The following MXRA5 variants were observed in gnomAD, a reference collection of about 807,000 sequenced individuals.
The protein encoded by MXRA5 is matrix remodeling associated 5, also known as matrix-remodeling-associated protein 5.
Under a neutral mutation model 112.5 loss-of-function variants are expected in MXRA5, and 41 were observed. The ratio of observed to expected loss-of-function variants is 0.36; its 90% confidence interval spans 0.28 to 0.47. The LOEUF is 0.47. MXRA5 is among the 20% of genes least tolerant of loss of function. MXRA5 has a pLI of 0.99. For missense variants in MXRA5, 2,150 were observed against 2,251.0 expected, an observed-to-expected ratio of 0.96 and a Z score of 0.91; for synonymous variants, 862 against 900.8, an observed-to-expected ratio of 0.96 and a Z score of 0.77.
chrX:3,343,568 T>A, intron 2 of MXRA5, 78 bp downstream of exon 2: 4 of 943,591 alleles, frequency 4.2e-6, no homozygotes, highest in Admixed American at 2.6e-5. Context: ...GTTAAGTAAA[T>A]GCACATACAC....
rs767655650 is a variant in MXRA5, at chrX:3,343,752, G to A, written c.82C>T (p.Pro28Ser). 8 of 1,209,712 alleles carry A rather than the reference G, an allele frequency of 6.6e-6. No individual in the cohort carries two copies. The highest frequency in any genetic ancestry group is 1.8e-5 in the South Asian group (1 of 56,742). The change falls in exon 2 of 7, where the codon CCG (proline) becomes TCG (serine). Residue 28 changes from proline (P) to serine (S), a missense_variant. Pro to Ser is a moderately conservative substitution (Grantham distance 74). Coordinates refer to ENST00000217939, the MANE Select transcript of MXRA5 (RefSeq NM_015419.4). ...WGHPRVALACPHPCACYVPSE... is the reference protein window; with the variant it reads ...WGHPRVALACSHPCACYVPSE... ...GGGACGTAGCAGGCACAAGGATGCG[G>A]GCAGGCCAGCGCCACTCGCGGATGG...
In MXRA5 at chrX:3,317,714, C is replaced by A. The variant is rs1272522265; in HGVS notation, c.5967G>T (p.Arg1989Ser). 5.8e-6 allele frequency: 7 copies of A among 1,203,169 alleles called. No individual in the cohort carries two copies. The African/African-American group carries it at 1.2e-4, about 21-fold the overall frequency. The change falls in exon 6 of 7, where the codon AGG (arginine) becomes AGT (serine). Residue 1989 changes from arginine (R) to serine (S), a missense_variant. By Grantham distance (110) the Arg-to-Ser change is moderately radical. Around this residue, in one of 6 missense-constraint regions of MXRA5, gnomAD observed 1,485 missense variants for 1,471.6 expected, o/e 1.01. Coordinates refer to ENST00000217939, the MANE Select transcript of MXRA5 (RefSeq NM_015419.4). ...CGGGGGACACAGTTTGCCACACCCT[C>A]CTGTCAGGGAAGATCCAGGAAATTT... ...APQISWIFPD[R>S]RVWQTVSPVE...
At position 3,342,534 on chromosome X, in the gene MXRA5, G is replaced by A. The variant is rs1262223427; in HGVS notation, c.188+1112C>T. On this transcript the variant is annotated intron_variant, in intron 2 of 6. Transcript: ENST00000217939. The stretch of plus-strand genomic sequence containing the variant: ...AACGCCAAGCTGTTTTCCCCAATGA[G>A]CTATCATTGTTGTGGTTGGATGTTC... Among the ~76,000 whole-genome samples, 8 of 112,111 alleles carry A rather than the reference G, an allele frequency of 7.1e-5. No individual in the cohort carries two copies. In the East Asian group the frequency reaches 2.2e-3, roughly 31 times the overall value.
rs778193649 is a variant in MXRA5 at position 3,311,331 on chromosome X, G to A, written c.6872C>T (p.Ser2291Leu). The A allele has an allele frequency of 2.5e-6, 3 of 1,211,905 alleles. No homozygotes were observed. Among genetic ancestry groups the A allele is most frequent in the Non-Finnish European group, 3.3e-6 (3 of 895,549 alleles). The change falls in exon 7 of 7, where the codon TCG becomes TTG. Residue 2291 changes from serine (S) to leucine (L), a missense_variant. Transcript: ENST00000217939. ...CTTGGTGCGTCCACCGCTGTCATCC[G>A]ACTGCATGAAGGAGTTCACCAGACT... ...DGSLVNSFMQ[S>L]DDSGGRTKRY...
chrX:3,318,121 G>T, intron 5 of MXRA5, 118 bp from the exon 6 acceptor site: 1 of 545,001 alleles, frequency 1.8e-6, no homozygotes, highest in Non-Finnish European at 2.8e-6. Flanking sequence ...AAAAGCAAAT[G>T]TAGTAGGTAG....
chrX:3,311,014 T>G lies in MXRA5; in HGVS notation c.7189A>C (p.Ile2397Leu). The G allele has an allele frequency of 2.5e-6, 3 of 1,211,570 alleles. No homozygotes were observed. Among genetic ancestry groups the G allele is most frequent in the Non-Finnish European group, 3.4e-6 (3 of 895,498 alleles). The change falls in exon 7 of 7, where the codon ATA (isoleucine) becomes CTA (leucine). Residue 2397 changes from isoleucine to leucine, a missense_variant. Transcript: ENST00000217939. ...VIPTSSEKYQ[I>L]YQDGTLLIQK... is the part of the protein sequence containing the mutation. ...ATAAGGAGAGTGCCATCTTGGTATA[T>G]CTGATACTTCTCAGAGGAGGTGGGG...
intron 2 of MXRA5, among the ~76,000 whole-genome samples, chrX:3,341,133 T>TATTATGTATA (rs1491136127): frequency 1.8e-5 from 1 of 55,061 alleles, no homozygotes; most frequent in African/African-American, 7.0e-5. Context: ...ACATAATATA[T>TATTATGTATA]TATATATTAT....
At chrX:3,314,151 C>T (rs1445313839) in intron 6 of MXRA5, among the ~76,000 whole-genome samples, 1 of 112,399 alleles carries the variant, frequency 8.9e-6, no homozygotes, top group Non-Finnish European at 1.9e-5. Context: ...AGTTGGACTC[C>T]ATTTTACCTT....
chrX:3,311,448 T>A lies in MXRA5; in HGVS notation c.6755A>T (p.Asp2252Val). 1 of 1,211,683 alleles carries A rather than the reference T, an allele frequency of 8.3e-7. No individual in the cohort carries two copies. Among genetic ancestry groups the A allele is most frequent in the Non-Finnish European group, 1.1e-6 (1 of 895,532 alleles). Residue 2252 changes from aspartate (D) to valine (V), a missense_variant, in exon 7 of 7, where the codon GAC (aspartate) becomes GTC (valine). Transcript: ENST00000217939. ...PAKIEHKEEN[D>V]HKVFYGGDLK... is the part of the protein sequence containing the mutation. Reference sequence around the variant, plus strand: ...GTCACCCCCGTAGAAGACTTTGTGGTCGTTCTCCTCCTTGTGTTCAATCTT... The same window carrying A: ...GTCACCCCCGTAGAAGACTTTGTGGACGTTCTCCTCCTTGTGTTCAATCTT...
Position 3,322,231 on chromosome X carries a change from T to C in MXRA5, c.3454A>G (p.Asn1152Asp). The C allele has an allele frequency of 8.4e-7, 1 of 1,194,310 alleles. No individual in the cohort carries two copies. The highest frequency in any genetic ancestry group is 1.7e-5 in the African/African-American group (1 of 57,227). Residue 1152 changes from asparagine (N) to aspartate (D), a missense_variant, in exon 5 of 7, where the codon AAC (asparagine) becomes GAC (aspartate). Physicochemically the swap from Asn to Asp is conservative, Grantham distance 23. This residue lies in a region of MXRA5 where 1,485 missense variants were observed against 1,471.6 expected (regional missense o/e 1.01). Coordinates refer to ENST00000217939, the MANE Select transcript of MXRA5 (RefSeq NM_015419.4). The stretch of plus-strand genomic sequence containing the variant: ...TTGGGGCGTAATCTCCTTCTCCCGT[T>C]GGGTCTCCTTCGAGAAGGGTGAGTG... Reference protein sequence around the residue: ...MSTHPSRRRPNGRRRLRPNKF... With the variant: ...MSTHPSRRRPDGRRRLRPNKF...
intron 2 of MXRA5, among the ~76,000 whole-genome samples, chrX:3,338,069 C>T (rs1921820493): frequency 9.0e-6 from 1 of 111,238 alleles, no homozygotes; most frequent in Non-Finnish European, 1.9e-5. Context: ...GACTGGCCAA[C>T]CGACCAATGG....
At chrX:3,340,829 T>C (rs1370730765) in intron 2 of MXRA5, among the ~76,000 whole-genome samples, 2 of 104,167 alleles carry the variant, frequency 1.9e-5, no homozygotes, top group Non-Finnish European at 3.9e-5. Context: ...TCTCAAGCCA[T>C]TAAACAAATC....
At chrX:3,316,982 TTTCA>T in intron 6 of MXRA5, 117 bp downstream of exon 6, 2 of 828,451 alleles carry the variant, frequency 2.4e-6, no homozygotes, top group Non-Finnish European at 3.3e-6. Context: ...TGCTAATTAA[TTTCA>T]TTTAATTTTA....
intron 2 of MXRA5, 36 bp from the exon 3 acceptor site, chrX:3,330,809 T>C (rs748769999): frequency 1.0e-6 from 1 of 968,463 alleles, no homozygotes; most frequent in South Asian, 3.0e-5. Context: ...ACAATAATAA[T>C]AATTAAGAAA....
intron 6 of MXRA5, among the ~76,000 whole-genome samples, chrX:3,316,171 A>C (rs113609604): frequency 1.2e-5 from 1 of 83,720 alleles, no homozygotes; most frequent in Admixed American, 1.3e-4. Context: ...AAAATTAGCC[A>C]GGCGTGGTGG....
intron 2 of MXRA5, among the ~76,000 whole-genome samples, chrX:3,331,879 T>C (rs1021504141): frequency 1.8e-5 from 2 of 112,344 alleles, no homozygotes; most frequent in African/African-American, 6.5e-5. Flanking sequence ...GCCTGCACGC[T>C]GTTACCATAA....
Position 3,329,753 on chromosome X carries a change from A to G in MXRA5, c.709+265T>C, listed in dbSNP as rs141627058. On this transcript the variant is annotated intron_variant, in intron 4 of 6. Transcript: ENST00000217939. ...TCCTCCAGATACCCATTCCATGGCA[A>G]CCCACATCACCTGTATGTAACTGAT... 7.0e-3 allele frequency among the ~76,000 whole-genome samples: 781 copies of G among 111,465 alleles called. 7 individuals carry two copies. The highest frequency in any genetic ancestry group is 0.024 in the African/African-American group (740 of 30,681).
At position 3,324,300 on chromosome X, in the gene MXRA5, G is replaced by T; in HGVS notation, c.1385C>A (p.Thr462Lys). Reference protein sequence around the residue: ...LLSYYTQYSQTISTKDTRQAR... With the variant: ...LLSYYTQYSQKISTKDTRQAR... ...CTGCCTTGTATCTTTGGTGGATATT[G>T]TTTGAGAATACTGGGTGTAGTAGGA... is the stretch of plus-strand genomic sequence containing the variant. Residue 462 changes from threonine to lysine, a missense_variant, in exon 5 of 7, where the codon ACA becomes AAA. This residue lies in a region of MXRA5 where 386 missense variants were observed against 411.0 expected (regional missense o/e 0.94). Coordinates refer to ENST00000217939, the MANE Select transcript of MXRA5 (RefSeq NM_015419.4). 4 of 1,211,758 alleles carry T rather than the reference G, an allele frequency of 3.3e-6. No homozygotes were observed. The highest frequency in any genetic ancestry group is 4.5e-6 in the Non-Finnish European group (4 of 895,530).
intron 2 of MXRA5, among the ~76,000 whole-genome samples, chrX:3,332,671 C>A (rs947007748): frequency 8.0e-5 from 9 of 112,233 alleles, no homozygotes; most frequent in Non-Finnish European, 1.9e-5. Flanking sequence ...AGAAGATGAT[C>A]CTATTTCCTG....
Sources: allele counts gnomAD v4.1 joint callset (sites outside exome capture counted in the v4.1 genomes callset), GRCh38; gene constraint gnomAD v4.1.1; regional missense constraint gnomAD v4.1.1; transcripts MANE v1.5; gene names NCBI Gene and HGNC (gene_info 2026-07-23, HGNC 2026-07-21).